Variants in PCDHGB2 observed in about 807,000 individuals in gnomAD.
PCDHGB2 encodes the protein protocadherin gamma subfamily B, 2, also known as protocadherin gamma-B2.
PCDHGB2 carries 55 observed loss-of-function variants against 59.3 expected under a neutral mutation model. The observed-to-expected ratio is 0.93, with a 90% CI of 0.75 to 1.16. The LOEUF (loss-of-function observed/expected upper bound fraction) is 1.16, where lower values mean the gene tolerates loss of function less well. PCDHGB2 is among the 50% of genes most tolerant of loss of function. PCDHGB2 has a pLI of 0.00. For synonymous variants in PCDHGB2, 516 were observed against 512.0 expected (o/e 1.01, Z -0.11); for missense variants, 1,228 against 1,198.5 (o/e 1.02, Z -0.36).
Position 141,431,559 on chromosome 5 carries a change from C to T in PCDHGB2, c.2422-63248C>T. 6.2e-7 allele frequency: 1 copy of T among 1,614,158 alleles called. No individual in the cohort carries two copies. On this transcript the variant is annotated intron_variant, in intron 1 of 3. Transcript: ENST00000522605. The surrounding 1 kb of genome is among the most constrained non-coding windows in gnomAD (Gnocchi z 4.8). ...ACGCAGCTGCTTGTAGTCAACGCTA[C>T]CGACCCTGACGAAGGAGTCAATGCG...
intron 1 of PCDHGB2, chr5:141,364,345 T>C: frequency 6.5e-7 from 1 of 1,543,088 alleles, no homozygotes; most frequent in African/African-American, 1.4e-5. Context: ...CGAGTCCACC[T>C]AGGGGCTGGG....
rs369211493 is a variant in PCDHGB2, at chr5:141,361,195, A to T, written c.1060A>T (p.Thr354Ser). Residue 354 changes from threonine (T) to serine (S), a missense_variant, in exon 1 of 4, where the codon ACT (threonine) becomes TCT (serine). This residue lies in a region of PCDHGB2 where 781 missense variants were observed against 721.6 expected (regional missense o/e 1.08). Coordinates refer to ENST00000522605, the MANE Select transcript of PCDHGB2 (RefSeq NM_018923.3). ...TGAAGTTATTGTGACTTCAGTATCT[A>T]CTCCCCTACCGGAGGATTCGCCACC... The part of the protein sequence containing the change: ...APEVIVTSVS[T>S]PLPEDSPPGT... 1 of 1,613,574 alleles carries T rather than the reference A, an allele frequency of 6.2e-7. No individual in the cohort carries two copies. The highest frequency in any genetic ancestry group is 8.5e-7 in the Non-Finnish European group (1 of 1,179,846).
intron 1 of PCDHGB2, chr5:141,394,390 G>A (rs758609540): frequency 2.5e-6 from 4 of 1,614,100 alleles, no homozygotes; most frequent in South Asian, 2.2e-5. Flanking sequence ...GAGCAGATCC[G>A]AGACCTGCAG....
Position 141,476,279 on chromosome 5 carries a change from G to T in PCDHGB2, c.2422-18528G>T. The T allele has an allele frequency of 6.2e-7, 1 of 1,614,148 alleles. No individual in the cohort carries two copies. Among genetic ancestry groups the T allele is most frequent in the Non-Finnish European group, 8.5e-7 (1 of 1,180,024 alleles). On this transcript the variant is annotated intron_variant, in intron 1 of 3. Coordinates refer to ENST00000522605, the MANE Select transcript of PCDHGB2 (RefSeq NM_018923.3). This position sits in a 1 kb window ranked among gnomAD's most constrained non-coding sequence, Gnocchi z 7.6. ...TGTGGGCAACGTGGTCGCGAACCTT[G>T]GTTTGGATCTCGGTAGCCTCTCAGC...
intron 2 of PCDHGB2, among the ~76,000 whole-genome samples, chr5:141,498,747 C>T (rs1363145286): frequency 6.6e-6 from 1 of 152,106 alleles, no homozygotes; most frequent in Non-Finnish European, 1.5e-5. Context: ...GCCTGGCCAA[C>T]ATGATGAAAC....
chr5:141,417,760 C>A, intron 1 of PCDHGB2: 1 of 1,438,808 alleles, frequency 7.0e-7, no homozygotes, highest in South Asian at 1.5e-5. Context: ...GCTCCGAGAC[C>A]CGGGACTCCT....
At chr5:141,373,455 A>T (rs1561559553) in intron 1 of PCDHGB2, among the ~76,000 whole-genome samples, 1 of 152,204 alleles carries the variant, frequency 6.6e-6, no homozygotes, top group Non-Finnish European at 1.5e-5. Flanking sequence ...CCCAGGAGGT[A>T]GCAGCTGCAA....
At position 141,438,276 on chromosome 5, in the gene PCDHGB2, ATAATT is replaced by A. The variant is rs533892835; in HGVS notation, c.2422-56526_2422-56522del. ...TGAAGAGACCATAGAATCAAACAAA[ATAATT>A]TAATCTGTATGTAAAAGAAGTTGGT... On this transcript the variant is annotated intron_variant, in intron 1 of 3. Coordinates refer to ENST00000522605, the MANE Select transcript of PCDHGB2 (RefSeq NM_018923.3). 1.4e-3 allele frequency among the ~76,000 whole-genome samples: 213 copies of A among 152,246 alleles called. 1 individual carries two copies. The highest frequency in any genetic ancestry group is 4.8e-3 in the African/African-American group (199 of 41,534).
chr5:141,430,926 C>T, intron 1 of PCDHGB2: 1 of 1,607,426 alleles, frequency 6.2e-7, no homozygotes, highest in Non-Finnish European at 8.5e-7. Flanking sequence ...GGGCTGGAGC[C>T]CCGGGAGCTC....
intron 1 of PCDHGB2, chr5:141,423,426 G>A: frequency 6.2e-7 from 1 of 1,614,028 alleles, no homozygotes; most frequent in Non-Finnish European, 8.5e-7. Context: ...AAGGCGGGTT[G>A]GCAGGTATGC....
chr5:141,442,119 C>T (rs563017984), intron 1 of PCDHGB2: 1 of 166,262 alleles, frequency 6.0e-6, no homozygotes, highest in African/African-American at 2.4e-5. Context: ...CCCCTCGTCG[C>T]CGACAGCCTG....
At chr5:141,403,138 C>G in intron 1 of PCDHGB2, 1 of 1,614,036 alleles carries the variant, frequency 6.2e-7, no homozygotes, top group Non-Finnish European at 8.5e-7. Context: ...TGGCGGAGCG[C>G]CGAGTCCGCA....
rs766168062 is a variant in PCDHGB2, at chr5:141,491,124, G to A, written c.2422-3683G>A. ...TCGTGTCTACACACACTGGTGAGGT[G>A]CGCACAGCCCGGGCCTTACTGGAGG... On this transcript the variant is annotated intron_variant, in intron 1 of 3. Transcript: ENST00000522605. The surrounding 1 kb of genome is among the most constrained non-coding windows in gnomAD (Gnocchi z 6.9). 22 of 1,614,092 alleles carry A rather than the reference G, an allele frequency of 1.4e-5. No individual in the cohort carries two copies. The highest frequency in any genetic ancestry group is 3.3e-5 in the Admixed American group (2 of 60,004).
chr5:141,400,050 T>C (rs2093950243), intron 1 of PCDHGB2: 2 of 1,613,616 alleles, frequency 1.2e-6, no homozygotes, highest in Non-Finnish European at 1.7e-6. Flanking sequence ...TGCTGGTTGC[T>C]GTGCGTGATG....
At chr5:141,387,666 A>C (rs1286333740) in intron 1 of PCDHGB2, 1 of 683,200 alleles carries the variant, frequency 1.5e-6, no homozygotes, top group African/African-American at 1.8e-5. Flanking sequence ...TTGGCGCTCC[A>C]GATCTCCTCG....
In PCDHGB2 at chr5:141,476,073, A is replaced by C. The variant is rs765071344; in HGVS notation, c.2422-18734A>C. On this transcript the variant is annotated intron_variant, in intron 1 of 3. Coordinates refer to ENST00000522605, the MANE Select transcript of PCDHGB2 (RefSeq NM_018923.3). The surrounding 1 kb of genome is among the most constrained non-coding windows in gnomAD (Gnocchi z 7.6). ...GCTGAAAGTTTCTCAGCGAAATCTC[A>C]GGGACGATCTGGACCCCGCTGAGAG... 4 of 1,524,010 alleles carry C rather than the reference A, an allele frequency of 2.6e-6. No individual in the cohort carries two copies. Among genetic ancestry groups the C allele is most frequent in the Admixed American group, 4.2e-5 (2 of 47,746 alleles). The allele number at this position is 1,524,010 out of a possible 1,614,324, so 94.4% of individuals were successfully genotyped here. A position where few individuals can be genotyped will look rare whatever the true frequency, so the allele number is the denominator to read the frequency against.
chr5:141,374,215 C>T (rs770866531), intron 1 of PCDHGB2: 4 of 1,613,958 alleles, frequency 2.5e-6, no homozygotes, highest in South Asian at 1.1e-5. Flanking sequence ...AAGGCTCCTT[C>T]GTAGGCAACA....
At chr5:141,392,665 T>C (rs1169450587) in intron 1 of PCDHGB2, 3 of 818,380 alleles carry the variant, frequency 3.7e-6, no homozygotes, top group Non-Finnish European at 5.4e-6. Context: ...TGCCACAAAC[T>C]AACTGCTGGA....
intron 1 of PCDHGB2, chr5:141,421,492 G>C: frequency 1.7e-5 from 28 of 1,614,106 alleles, no homozygotes; most frequent in Non-Finnish European, 2.3e-5. Flanking sequence ...GATCACGGCA[G>C]GCAGGATAGA....
Sources: gnomAD v4.1 joint callset for allele counts (sites outside exome capture counted in the v4.1 genomes callset) on GRCh38, gnomAD v4.1.1 for gene constraint, gnomAD v4.1.1 regional missense constraint, Gnocchi (gnomAD v3.1) non-coding constraint, MANE v1.5 for transcripts, NCBI Gene and HGNC (gene_info 2026-07-23, HGNC 2026-07-21) for gene names.